Variants in RAPGEF6 observed in about 807,000 individuals in gnomAD.
RAPGEF6 encodes the protein PDZ domain containing guanine nucleotide exchange factor (GEF) 2.
Under a neutral mutation model 171.4 loss-of-function variants are expected in RAPGEF6, and 56 were observed. The ratio of observed to expected loss-of-function variants is 0.33; its 90% CI spans 0.26 to 0.41. The LOEUF (loss-of-function observed/expected upper bound fraction) is 0.41, where lower values mean the gene tolerates loss of function less well. Among genes scored for constraint, RAPGEF6 ranks in the 10% least tolerant of loss-of-function variants. The pLI is 1.00. For synonymous variants in RAPGEF6, 692 were observed against 650.1 expected, an observed-to-expected ratio of 1.06 and a Z score of -0.98; for missense variants, 1,674 against 1,921.4, an observed-to-expected ratio of 0.87 and a Z score of 2.41.
chr5:131,432,401 G>A (rs577521622), intron 25 of RAPGEF6, among the ~76,000 whole-genome samples: 124 of 152,182 alleles, frequency 8.1e-4, no homozygotes, highest in African/African-American at 2.9e-3. Flanking sequence ...GGCGGATCAC[G>A]AGGTCAGGAG....
At chr5:131,442,299 C>T (rs1487022644) in intron 23 of RAPGEF6, 50 bp downstream of exon 23, 2 of 1,503,236 alleles carry the variant, frequency 1.3e-6, no homozygotes, top group South Asian at 1.3e-5. Flanking sequence ...CACTCTAACT[C>T]CCCTGGAAAT....
At chr5:131,463,138 T>C (rs1211248745) in intron 18 of RAPGEF6, among the ~76,000 whole-genome samples, 1 of 152,176 alleles carries the variant, frequency 6.6e-6, no homozygotes, top group African/African-American at 2.4e-5. Context: ...GTGGGCAATC[T>C]GAATCCAGGG....
chr5:131,519,954 T>C (rs572908993), intron 7 of RAPGEF6, among the ~76,000 whole-genome samples: 8 of 152,214 alleles, frequency 5.3e-5, no homozygotes, highest in Non-Finnish European at 1.2e-4. Flanking sequence ...CATCTCTCTT[T>C]TAATTCTTTG....
In RAPGEF6 at chr5:131,496,926, CTG is replaced by C. The variant is rs1236714297; in HGVS notation, c.1420-1268_1420-1267del. The stretch of plus-strand genomic sequence containing the variant: ...TTAACTTTTTGAAGAACTGCTCAAA[CTG>C]TTTTTTCCACAGAGGTAATACCATT... On this transcript the variant is annotated intron_variant, in intron 12 of 27. Transcript: ENST00000509018. 2.0e-5 allele frequency among the ~76,000 whole-genome samples: 3 copies of C among 147,686 alleles called. No individual in the cohort carries two copies. In the East Asian group the frequency reaches 6.4e-4, roughly 31 times the overall value.
At chr5:131,528,084 ATATGT>A (rs1759027578) in intron 6 of RAPGEF6, among the ~76,000 whole-genome samples, 1 of 19,440 alleles carries the variant, frequency 5.1e-5, no homozygotes, top group African/African-American at 8.5e-5. Context: ...AATTTATATT[ATATGT>A]AATATAAATT....
chr5:131,610,859 G>A (rs1764894133), intron 1 of RAPGEF6, among the ~76,000 whole-genome samples: 1 of 152,140 alleles, frequency 6.6e-6, no homozygotes, highest in African/African-American at 2.4e-5. Flanking sequence ...CAAAGTGTAA[G>A]CTCAGGTGGC....
intron 4 of RAPGEF6, among the ~76,000 whole-genome samples, chr5:131,584,848 C>T (rs550844604): frequency 2.3e-4 from 35 of 152,150 alleles, no homozygotes; most frequent in Non-Finnish European, 3.5e-4. Context: ...TCCCACAGGG[C>T]GTGGCCAGCC....
intron 26 of RAPGEF6, among the ~76,000 whole-genome samples, chr5:131,429,743 G>T (rs112139930): frequency 2.0e-5 from 3 of 152,096 alleles, no homozygotes; most frequent in Admixed American, 2.0e-4. Context: ...TGGTACGGAG[G>T]AACTAATTCC....
chr5:131,616,103 G>A (rs1554087863), intron 1 of RAPGEF6, among the ~76,000 whole-genome samples: 1 of 150,070 alleles, frequency 6.7e-6, no homozygotes, highest in Non-Finnish European at 1.5e-5. Flanking sequence ...ACCTAGGGGC[G>A]AAAAAAAAAG....
At chr5:131,634,358 C>T (rs1416765677) in intron 1 of RAPGEF6, among the ~76,000 whole-genome samples, 2 of 151,484 alleles carry the variant, frequency 1.3e-5, no homozygotes, top group Non-Finnish European at 2.9e-5. Context: ...AAGCTGATGC[C>T]ATAACTGTTA....
intron 12 of RAPGEF6, among the ~76,000 whole-genome samples, chr5:131,497,380 C>CT (rs1485329294): frequency 3.3e-5 from 5 of 151,776 alleles, no homozygotes; most frequent in African/African-American, 9.7e-5. Context: ...CCAATTATCT[C>CT]TTTTTTCTTT....
At chr5:131,623,477 C>CTTTT (rs763921579) in intron 1 of RAPGEF6, among the ~76,000 whole-genome samples, 110 of 114,110 alleles carry the variant, frequency 9.6e-4, no homozygotes, top group South Asian at 1.2e-3. Flanking sequence ...TTTCACATTG[C>CTTTT]TTTTTTTTTT....
At chr5:131,435,225 C>T (rs570976040) in intron 24 of RAPGEF6, among the ~76,000 whole-genome samples, 11 of 152,240 alleles carry the variant, frequency 7.2e-5, no homozygotes, top group South Asian at 4.1e-4. Context: ...ATTTGGCCTA[C>T]GTGGACAGGA....
intron 24 of RAPGEF6, among the ~76,000 whole-genome samples, chr5:131,437,079 T>C (rs1352127595): frequency 6.6e-6 from 1 of 152,202 alleles, no homozygotes; most frequent in Admixed American, 6.5e-5. Context: ...TGTTCAATCA[T>C]AGGTTACTGG....
intron 1 of RAPGEF6, among the ~76,000 whole-genome samples, chr5:131,622,663 G>A (rs1265297633): frequency 6.6e-6 from 1 of 152,150 alleles, no homozygotes; most frequent in Non-Finnish European, 1.5e-5. Context: ...AAAATGATGG[G>A]CCTGGAAAAG....
At position 131,498,689 on chromosome 5, in the gene RAPGEF6, G is replaced by A; in HGVS notation, c.1255-82C>T. On this transcript the variant is annotated intron_variant, in intron 11 of 27. Transcript: ENST00000509018. ...GAACTATTGTTGATTACTCCGCTTT[G>A]TAGCTACTCCATTAGACAAATCGTC... 3.2e-6 allele frequency: 4 copies of A among 1,260,354 alleles called. No individual in the cohort carries two copies. In the South Asian group the frequency reaches 5.2e-5, roughly 16 times the overall value. The allele number at this position is 1,260,354 out of a possible 1,614,324, so 78.1% of individuals were successfully genotyped here. A position where few individuals can be genotyped will look rare whatever the true frequency, so the allele number is the denominator to read the frequency against.
At chr5:131,451,139 T>TC (rs1328383726) in intron 21 of RAPGEF6, among the ~76,000 whole-genome samples, 2 of 152,224 alleles carry the variant, frequency 1.3e-5, no homozygotes, top group Non-Finnish European at 2.9e-5. Context: ...TTCCACACTG[T>TC]TAAGCAATGA....
intron 9 of RAPGEF6, among the ~76,000 whole-genome samples, chr5:131,506,278 C>T (rs1223272940): frequency 6.6e-6 from 1 of 152,148 alleles, no homozygotes; most frequent in Non-Finnish European, 1.5e-5. Context: ...ATAGCTGGGA[C>T]TACAGGTGTC....
At chr5:131,505,710 C>T (rs1033218130) in intron 9 of RAPGEF6, among the ~76,000 whole-genome samples, 188 bp from the exon 10 acceptor site, 1 of 152,166 alleles carries the variant, frequency 6.6e-6, no homozygotes. Flanking sequence ...TATTTTTACT[C>T]TTTCTTCTTT....
Sources: allele counts gnomAD v4.1 joint callset (sites outside exome capture counted in the v4.1 genomes callset), GRCh38; gene constraint gnomAD v4.1.1; transcripts MANE v1.5; gene names NCBI Gene and HGNC (gene_info 2026-07-23, HGNC 2026-07-21).